Variants in ZNF700 observed in about 807,000 individuals in gnomAD.
ZNF700 encodes the protein zinc finger protein 700.
Under a neutral mutation model 65.3 loss-of-function variants are expected in ZNF700, and 38 were observed. The observed-to-expected ratio is 0.58, with a 90% CI of 0.45 to 0.76. ZNF700 has a LOEUF of 0.76. Ranked by LOEUF, ZNF700 falls within the 30% of genes least tolerant of loss-of-function variation. The pLI is 0.00. For synonymous variants in ZNF700, 285 were observed against 290.4 expected, an observed-to-expected ratio of 0.98 and a Z score of 0.19; for missense variants, 857 against 888.4, an observed-to-expected ratio of 0.96 and a Z score of 0.45.
rs547125903 is a variant in ZNF700 at position 11,925,240 on chromosome 19, A to C, written c.30A>C (p.Arg10Ser). 3 of 1,613,146 alleles carry C rather than the reference A, an allele frequency of 1.9e-6. No homozygotes were observed. The African/African-American group carries it at 4.0e-5, about 22-fold the overall frequency. ...CCTGCTGTAGTCACAGGAGCTGTAG[A>C]GAGGACCCCGGTACATCTGAAAGCC... The part of the protein sequence containing the change: MPCCSHRSC[R>S]EDPGTSESRE... Residue 10 changes from arginine (R) to serine (S), a missense_variant, in exon 1 of 4, where the codon AGA (arginine) becomes AGC (serine). Around this residue, in one of 3 missense-constraint regions of ZNF700, gnomAD observed 603 missense variants for 619.9 expected, o/e 0.97. Transcript: ENST00000254321.
intron 1 of ZNF700, among the ~76,000 whole-genome samples, chr19:11,936,632 A>G (rs924933186): frequency 1.3e-5 from 2 of 152,106 alleles, no homozygotes; most frequent in South Asian, 2.1e-4. Flanking sequence ...CTCTCATTCT[A>G]TAGGTTGCCT....
rs1212766672 is a variant in ZNF700 at position 11,949,235 on chromosome 19, C to G, written c.1211C>G (p.Ser404Cys). 6.2e-7 allele frequency: 1 copy of G among 1,613,640 alleles called. No individual in the cohort carries two copies. The change falls in exon 4 of 4, where the codon TCC (serine) becomes TGC (cysteine). Residue 404 changes from serine (S) to cysteine (C), a missense_variant. By Grantham distance (112) the Ser-to-Cys change is moderately radical. Around this residue, in one of 3 missense-constraint regions of ZNF700, gnomAD observed 603 missense variants for 619.9 expected, o/e 0.97. Transcript: ENST00000254321. Reference sequence around the variant, plus strand: ...GGTAAAGCCTTCAATCTTTCCAGTTCCTTTCGATATCATGAAAGGATTCAC... The same window carrying G: ...GGTAAAGCCTTCAATCTTTCCAGTTGCTTTCGATATCATGAAAGGATTCAC... ...QCGKAFNLSS[S>C]FRYHERIHTG... is the part of the protein sequence containing the mutation.
chr19:11,937,960 G>A (rs897441894), intron 1 of ZNF700, among the ~76,000 whole-genome samples: 1 of 152,206 alleles, frequency 6.6e-6, no homozygotes, highest in Non-Finnish European at 1.5e-5. Flanking sequence ...ACCTTGAACA[G>A]TAGGATATAA....
chr19:11,928,805 T>C (rs1240538504), intron 1 of ZNF700, among the ~76,000 whole-genome samples: 4 of 144,666 alleles, frequency 2.8e-5, no homozygotes, highest in Non-Finnish European at 5.9e-5. Flanking sequence ...AGGGGCCTGG[T>C]AGGATGGCTC....
rs774659942 is a variant in ZNF700, at chr19:11,925,268, G to A, written c.58G>A (p.Glu20Lys). 3.1e-6 allele frequency: 5 copies of A among 1,612,364 alleles called. No homozygotes were observed. In the South Asian group the frequency reaches 5.5e-5, roughly 18 times the overall value. ...GGACCCCGGTACATCTGAAAGCCGGGAAATGGTGCGTGTGCGGGACCAGAT... is the reference window on the plus strand; with the variant it reads ...GGACCCCGGTACATCTGAAAGCCGGAAAATGGTGCGTGTGCGGGACCAGAT... The part of the protein sequence containing the change: ...REDPGTSESR[E>K]MDPVAFEDVA... The change falls in exon 1 of 4, where the codon GAA becomes AAA. Residue 20 changes from glutamate (E) to lysine (K), a missense_variant. Glu to Lys is a moderately conservative substitution (Grantham distance 56, BLOSUM62 1). Coordinates refer to ENST00000254321, the MANE Select transcript of ZNF700 (RefSeq NM_144566.3).
chr19:11,941,291 G>A (rs1042440198), intron 1 of ZNF700, among the ~76,000 whole-genome samples: 12 of 152,252 alleles, frequency 7.9e-5, no homozygotes, highest in Non-Finnish European at 1.5e-4. Flanking sequence ...CGCGCCATGC[G>A]CCCGCACTCC....
chr19:11,927,006 C>T (rs764435529), intron 1 of ZNF700, among the ~76,000 whole-genome samples: 1 of 152,094 alleles, frequency 6.6e-6, no homozygotes, highest in African/African-American at 2.4e-5. Flanking sequence ...TTGAATCTCA[C>T]ACAGGAAGGA....
In ZNF700 at chr19:11,949,451, G is replaced by A. The variant is rs1369385189; in HGVS notation, c.1427G>A (p.Cys476Tyr). 1.2e-6 allele frequency: 2 copies of A among 1,613,126 alleles called. No homozygotes were observed. Among genetic ancestry groups the A allele is most frequent in the Non-Finnish European group, 1.7e-6 (2 of 1,179,806 alleles). The change falls in exon 4 of 4, where the codon TGT (cysteine) becomes TAT (tyrosine). Residue 476 changes from cysteine (C) to tyrosine (Y), a missense_variant. Cys to Tyr is a radical substitution (Grantham distance 194, BLOSUM62 -2). Transcript: ENST00000254321. The stretch of plus-strand genomic sequence containing the variant: ...CATACTGGAGAGAAACCCTATGAAT[G>A]TAAGGAATGTGGGAAAGCCTTCAGA... The part of the protein sequence containing the change: ...RTHTGEKPYE[C>Y]KECGKAFRYV...
At chr19:11,936,116 A>G (rs1972791677) in intron 1 of ZNF700, among the ~76,000 whole-genome samples, 1 of 152,198 alleles carries the variant, frequency 6.6e-6, no homozygotes. Context: ...ATTGGTGGAC[A>G]TTTGGGTTGG....
rs1972604287 is a variant in ZNF700, at chr19:11,925,174, C to T, written c.-37C>T. The T allele has an allele frequency of 1.9e-6, 3 of 1,609,694 alleles. No individual in the cohort carries two copies. Among genetic ancestry groups the T allele is most frequent in the Non-Finnish European group, 1.7e-6 (2 of 1,177,112 alleles). On this transcript the variant is annotated 5_prime_UTR_variant, in exon 1 of 4. Transcript: ENST00000254321. The stretch of plus-strand genomic sequence containing the variant: ...AGACCAGCCCGAGAGGGACCTGGTG[C>T]CTGTACCCAGGCTTCTGTCGCTCTG...
chr19:11,943,087 G>A (rs1261812140), intron 1 of ZNF700, among the ~76,000 whole-genome samples: 1 of 152,102 alleles, frequency 6.6e-6, no homozygotes, highest in East Asian at 1.9e-4. Flanking sequence ...TAGCAAGCAG[G>A]GGAGTAACAA....
chr19:11,949,883 A>C lies in ZNF700; in HGVS notation c.1859A>C (p.Tyr620Ser). ...AGGACTCACACTGGAGAGAAACCCT[A>C]TGAGTGTAAGCAATGTGGGAAAGCC... is the stretch of plus-strand genomic sequence containing the variant. ...HGRTHTGEKPYECKQCGKAFR... is the reference protein window; with the variant it reads ...HGRTHTGEKPSECKQCGKAFR... The change falls in exon 4 of 4, where the codon TAT becomes TCT. Residue 620 changes from tyrosine (Y) to serine (S), a missense_variant. Around this residue, in one of 3 missense-constraint regions of ZNF700, gnomAD observed 251 missense variants for 250.3 expected, o/e 1.00. Coordinates refer to ENST00000254321, the MANE Select transcript of ZNF700 (RefSeq NM_144566.3). 1.2e-6 allele frequency: 2 copies of C among 1,614,176 alleles called. No homozygotes were observed. The highest frequency in any genetic ancestry group is 1.3e-5 in the African/African-American group (1 of 75,060).
At chr19:11,932,690 T>G (rs1323894682) in intron 1 of ZNF700, among the ~76,000 whole-genome samples, 2 of 139,264 alleles carry the variant, frequency 1.4e-5, no homozygotes, top group Non-Finnish European at 3.0e-5. Flanking sequence ...CAGGCTGGAG[T>G]GCAGTGGCGT....
chr19:11,937,668 T>G (rs1972818529), intron 1 of ZNF700, among the ~76,000 whole-genome samples: 1 of 151,680 alleles, frequency 6.6e-6, no homozygotes, highest in African/African-American at 2.4e-5. Context: ...TTTTGTATTT[T>G]TAGTAGAGAC....
At chr19:11,928,104 C>T (rs780678085) in intron 1 of ZNF700, among the ~76,000 whole-genome samples, 12 of 152,148 alleles carry the variant, frequency 7.9e-5, no homozygotes, top group Middle Eastern at 3.4e-3. Flanking sequence ...CAAGCACCTC[C>T]GCCTCTCAAG....
rs143516150 is a variant in ZNF700, at chr19:11,944,197, G to C, written c.64-2984G>C. ...ATTTTTCGTAAGGCCTGTAGCTGTCGCTGTAACTTAATTTCACCTAATTCT... is the reference window on the plus strand; with the variant it reads ...ATTTTTCGTAAGGCCTGTAGCTGTCCCTGTAACTTAATTTCACCTAATTCT... On this transcript the variant is annotated intron_variant, in intron 1 of 3. Transcript: ENST00000254321. Among the ~76,000 whole-genome samples, 3 of 152,240 alleles carry C rather than the reference G, an allele frequency of 2.0e-5. No homozygotes were observed. The South Asian group carries it at 6.2e-4, about 32-fold the overall frequency.
chr19:11,942,677 C>T (rs942335249), intron 1 of ZNF700, among the ~76,000 whole-genome samples: 9 of 152,138 alleles, frequency 5.9e-5, no homozygotes, highest in African/African-American at 7.2e-5. Flanking sequence ...CTGCATGCAT[C>T]GGTAACAGGA....
intron 1 of ZNF700, among the ~76,000 whole-genome samples, chr19:11,945,792 A>G (rs1972950312): frequency 6.6e-6 from 1 of 151,984 alleles, no homozygotes; most frequent in Non-Finnish European, 1.5e-5. Flanking sequence ...GCTCTGTAAG[A>G]GAGATGGTGG....
rs1208454360 is a variant in ZNF700 at position 11,948,969 on chromosome 19, T to G, written c.945T>G (p.Phe315Leu). The G allele has an allele frequency of 6.2e-7, 1 of 1,606,874 alleles. No homozygotes were observed. Among genetic ancestry groups the G allele is most frequent in the Non-Finnish European group, 8.5e-7 (1 of 1,178,538 alleles). Reference protein sequence around the residue: ...PYQCKECGKAFAYTSSLRRHE... With the variant: ...PYQCKECGKALAYTSSLRRHE... ...AATGCAAAGAATGTGGAAAAGCATTTGCATATACCAGTTCTCTTCGTAGAC... is the reference window on the plus strand; with the variant it reads ...AATGCAAAGAATGTGGAAAAGCATTGGCATATACCAGTTCTCTTCGTAGAC... The change falls in exon 4 of 4, where the codon TTT (phenylalanine) becomes TTG (leucine). Residue 315 changes from phenylalanine to leucine, a missense_variant. By Grantham distance (22) the Phe-to-Leu change is conservative. Coordinates refer to ENST00000254321, the MANE Select transcript of ZNF700 (RefSeq NM_144566.3).
Sources: gnomAD v4.1 joint callset for allele counts (sites outside exome capture counted in the v4.1 genomes callset) on GRCh38, gnomAD v4.1.1 for gene constraint, gnomAD v4.1.1 regional missense constraint, MANE v1.5 for transcripts, NCBI Gene and HGNC (gene_info 2026-07-23, HGNC 2026-07-21) for gene names.